ADGRL3: variants seen among roughly 807,000 people sequenced by gnomAD.
ADGRL3 encodes calcium-independent alpha-latrotoxin receptor 3.
In ADGRL3, 62 loss-of-function variants were observed where a neutral mutation model predicts 153.5. The ratio of observed to expected loss-of-function variants is 0.40; its 90% CI spans 0.33 to 0.50. The LOEUF (loss-of-function observed/expected upper bound fraction) is 0.50. Ranked by LOEUF, ADGRL3 falls within the 20% of genes least tolerant of loss-of-function variation. The pLI is 0.47. For missense variants in ADGRL3, 1,641 were observed against 1,859.4 expected (o/e 0.88, Z 2.16); for synonymous variants, 710 against 672.5 (o/e 1.06, Z -0.86).
chr4:61,269,460 G>T (rs1203727808), intron 1 of ADGRL3, among the ~76,000 whole-genome samples: 1 of 151,552 alleles, frequency 6.6e-6, no homozygotes, highest in African/African-American at 2.4e-5. Context: ...TACGAGACAG[G>T]TAGAGAAATA....
intron 8 of ADGRL3, among the ~76,000 whole-genome samples, chr4:61,749,604 C>T (rs1021155143): frequency 2.0e-5 from 3 of 151,646 alleles, no homozygotes; most frequent in African/African-American, 4.9e-5. Context: ...TAAACTATCA[C>T]AAGAACAAAA....
At chr4:62,006,415 A>G (rs1432458095) in intron 21 of ADGRL3, among the ~76,000 whole-genome samples, 1 of 151,902 alleles carries the variant, frequency 6.6e-6, no homozygotes, top group African/African-American at 2.4e-5. Flanking sequence ...TTATTACTGA[A>G]ATGCAGAAAA....
At chr4:61,448,708 GAA>G (rs2097621616) in intron 2 of ADGRL3, among the ~76,000 whole-genome samples, 8 of 19,618 alleles carry the variant, frequency 4.1e-4, no homozygotes, top group African/African-American at 5.3e-4. Context: ...ACGAAGGAAA[GAA>G]AGAAGGAAGG....
intron 17 of ADGRL3, among the ~76,000 whole-genome samples, chr4:61,970,437 A>C (rs908814186): frequency 8.5e-5 from 13 of 152,068 alleles, no homozygotes; most frequent in African/African-American, 3.1e-4. Flanking sequence ...TGGTAGTTGC[A>C]AATCTGGTAC....
At chr4:61,858,446 C>T (rs2098303358) in intron 9 of ADGRL3, among the ~76,000 whole-genome samples, 1 of 152,076 alleles carries the variant, frequency 6.6e-6, no homozygotes, top group African/African-American at 2.4e-5. Context: ...CATGGTGAAA[C>T]CCCACCTCTA....
At chr4:62,018,025 G>A (rs2099221072) in intron 21 of ADGRL3, among the ~76,000 whole-genome samples, 1 of 152,030 alleles carries the variant, frequency 6.6e-6, no homozygotes, top group Non-Finnish European at 1.5e-5. Context: ...ATAAGAGGCT[G>A]GCACTTAAGA....
intron 2 of ADGRL3, among the ~76,000 whole-genome samples, chr4:61,408,570 G>A (rs1028080316): frequency 1.3e-5 from 2 of 152,032 alleles, no homozygotes; most frequent in Non-Finnish European, 1.5e-5. Flanking sequence ...TGGCTGGACT[G>A]TAGCCTGGTT....
intron 2 of ADGRL3, chr4:61,426,748 C>A (rs2097287206): frequency 6.6e-6 from 1 of 152,320 alleles, no homozygotes; most frequent in African/African-American, 2.4e-5. Flanking sequence ...TGAGCTGGAG[C>A]ATCCTGGTGG....
intron 13 of ADGRL3, among the ~76,000 whole-genome samples, chr4:61,926,070 G>A (rs1371639419): frequency 1.3e-5 from 2 of 152,124 alleles, no homozygotes; most frequent in Non-Finnish European, 2.9e-5. Flanking sequence ...GCATGTTACT[G>A]TACTGAGTAC....
rs1745254520 is a variant in ADGRL3 at position 62,070,466 on chromosome 4, A to G, written c.4190A>G (p.Glu1397Gly). Residue 1397 changes from glutamate to glycine, a missense_variant, in exon 27 of 27, where the codon GAG becomes GGG. Glu to Gly is a moderately conservative substitution (Grantham distance 98). This residue lies in a region of ADGRL3 where 517 missense variants were observed against 555.0 expected (regional missense o/e 0.93). Transcript: ENST00000683033. Reference protein sequence around the residue: ...EESLGLELIHEESDAPLLPPR... With the variant: ...EESLGLELIHGESDAPLLPPR... ...AGTTTGGGCCTGGAACTCATTCATG[A>G]GGAATCTGATGCTCCTTTGCTGCCC... is the stretch of plus-strand genomic sequence containing the variant. 6.4e-7 allele frequency: 1 copy of G among 1,551,376 alleles called. No individual in the cohort carries two copies. Among genetic ancestry groups the G allele is most frequent in the Admixed American group, 2.0e-5 (1 of 50,908 alleles).
intron 21 of ADGRL3, among the ~76,000 whole-genome samples, chr4:62,000,898 C>T (rs1427260416): frequency 2.6e-5 from 4 of 152,004 alleles, no homozygotes; most frequent in Non-Finnish European, 4.4e-5. Flanking sequence ...CCTCCCACCT[C>T]AGCATCCTTA....
At chr4:61,558,839 C>G (rs2098781437) in intron 4 of ADGRL3, among the ~76,000 whole-genome samples, 1 of 151,986 alleles carries the variant, frequency 6.6e-6, no homozygotes, top group Non-Finnish European at 1.5e-5. Flanking sequence ...CTGGCAAAAA[C>G]AGCATCATTT....
intron 4 of ADGRL3, among the ~76,000 whole-genome samples, chr4:61,541,257 G>A (rs1196560779): frequency 6.6e-6 from 1 of 151,950 alleles, no homozygotes; most frequent in Non-Finnish European, 1.5e-5. Context: ...AGTTCACCCT[G>A]AGAGAACCTG....
intron 1 of ADGRL3, among the ~76,000 whole-genome samples, chr4:61,246,390 G>C (rs1757088913): frequency 1.3e-5 from 2 of 152,002 alleles, no homozygotes; most frequent in Admixed American, 6.6e-5. Context: ...ATCAAGCATC[G>C]GGGGGAGTTT....
At chr4:61,401,333 T>C (rs1229693508) in intron 2 of ADGRL3, among the ~76,000 whole-genome samples, 1 of 152,036 alleles carries the variant, frequency 6.6e-6, no homozygotes, top group East Asian at 1.9e-4. Flanking sequence ...ACAAAATATA[T>C]GTGGAGAACA....
intron 1 of ADGRL3, among the ~76,000 whole-genome samples, chr4:61,267,655 A>G (rs535727132): frequency 2.6e-5 from 4 of 151,726 alleles, no homozygotes; most frequent in Non-Finnish European, 1.5e-5. Flanking sequence ...TCAGTAACAA[A>G]TAAACAAAGA....
chr4:61,276,094 TA>T (rs2093444563), intron 1 of ADGRL3, among the ~76,000 whole-genome samples: 1 of 152,138 alleles, frequency 6.6e-6, no homozygotes, highest in Non-Finnish European at 1.5e-5. Flanking sequence ...CAAAGGCTGC[TA>T]GACAGAAGAA....
chr4:61,351,975 A>G (rs2096060897), intron 1 of ADGRL3, among the ~76,000 whole-genome samples: 2 of 152,232 alleles, frequency 1.3e-5, no homozygotes, highest in Admixed American at 6.6e-5. Flanking sequence ...TACCTGTGAT[A>G]GACAGTAATT....
At chr4:61,502,834 GAGTC>G (rs751643828) in intron 3 of ADGRL3, among the ~76,000 whole-genome samples, 1 of 152,166 alleles carries the variant, frequency 6.6e-6, no homozygotes, top group Non-Finnish European at 1.5e-5. Context: ...AGTGGTGAAA[GAGTC>G]AGGTTGACTT....
Sources: gnomAD v4.1 joint callset for allele counts (sites outside exome capture counted in the v4.1 genomes callset) on GRCh38, gnomAD v4.1.1 for gene constraint, gnomAD v4.1.1 regional missense constraint, MANE v1.5 for transcripts, NCBI Gene and HGNC (gene_info 2026-07-23, HGNC 2026-07-21) for gene names.